CIT: variants seen among roughly 807,000 people sequenced by gnomAD.
CIT encodes the protein citron Rho-interacting kinase.
In CIT, 79 loss-of-function variants were observed where a neutral mutation model predicts 272.7. The ratio of observed to expected loss-of-function variants is 0.29; its 90% CI spans 0.24 to 0.35. The LOEUF (loss-of-function observed/expected upper bound fraction) is 0.35, where lower values mean the gene tolerates loss of function less well. Ranked by LOEUF, CIT falls within the 10% of genes least tolerant of loss-of-function variation. The pLI is 1.00. For missense variants in CIT, 1,909 were observed against 2,618.3 expected (o/e 0.73, Z 5.91); for synonymous variants, 948 against 995.6 (o/e 0.95, Z 0.90).
At chr12:119,874,758 C>T (rs925937024) in intron 2 of CIT, among the ~76,000 whole-genome samples, 7 of 151,762 alleles carry the variant, frequency 4.6e-5, no homozygotes, top group Non-Finnish European at 8.8e-5. Context: ...AGGTGACGGG[C>T]GCCTGTAGTC....
chr12:119,715,904 C>A (rs1252663698), intron 32 of CIT, among the ~76,000 whole-genome samples: 2 of 152,158 alleles, frequency 1.3e-5, no homozygotes, highest in Non-Finnish European at 2.9e-5. Flanking sequence ...ACCCCCCTTC[C>A]TTTCTTGGAA....
Position 119,803,343 on chromosome 12 carries a change from G to A in CIT, c.1158C>T (p.Ser386=), listed in dbSNP as rs745306491. The change falls in exon 10 of 48, where the codon TCC becomes TCT. Residue 386 remains serine, a synonymous_variant. Transcript: ENST00000392521. ...AATTCTTCTCTGGTTCATCAAAATT[G>A]GAGGTGTCATCGTCAGACTTGAGGG... ...VPTLKSDDDT[S]NFDEPEKNSW... 1.2e-5 allele frequency: 20 copies of A among 1,605,120 alleles called. No individual in the cohort carries two copies. The highest frequency in any genetic ancestry group is 2.6e-6 in the Non-Finnish European group (3 of 1,175,984).
intron 9 of CIT, 54 bp downstream of exon 9, chr12:119,822,766 C>G: frequency 3.2e-6 from 5 of 1,585,184 alleles, no homozygotes; most frequent in Non-Finnish European, 4.3e-6. Flanking sequence ...TCAGATCTCT[C>G]TTGAGTGTTT....
intron 19 of CIT, among the ~76,000 whole-genome samples, chr12:119,762,949 G>A (rs1593642318): frequency 6.6e-6 from 1 of 152,190 alleles, no homozygotes; most frequent in African/African-American, 2.4e-5. Context: ...AGGAGGATAA[G>A]ATGGGAGGAT....
At chr12:119,721,744 C>G (rs557278652) in intron 28 of CIT, among the ~76,000 whole-genome samples, 1 of 152,230 alleles carries the variant, frequency 6.6e-6, no homozygotes, top group South Asian at 2.1e-4. Context: ...TATTTTGGTA[C>G]ATTAAGGTGA....
intron 9 of CIT, among the ~76,000 whole-genome samples, chr12:119,821,393 A>G (rs573865300): frequency 6.6e-6 from 1 of 152,332 alleles, no homozygotes; most frequent in East Asian, 1.9e-4. Flanking sequence ...TGCCTAATTT[A>G]TAAGTTAAGC....
chr12:119,739,567 T>C (rs1448802019), intron 24 of CIT, among the ~76,000 whole-genome samples: 1 of 152,208 alleles, frequency 6.6e-6, no homozygotes, highest in African/African-American at 2.4e-5. Context: ...CCTACTATTG[T>C]GGCCAAATGT....
At chr12:119,820,542 T>G (rs915452310) in intron 9 of CIT, among the ~76,000 whole-genome samples, 1 of 152,004 alleles carries the variant, frequency 6.6e-6, no homozygotes, top group Admixed American at 6.6e-5. Context: ...GGGAAGACTG[T>G]GTCTCAAAAA....
At chr12:119,861,814 T>C (rs974295714) in intron 3 of CIT, among the ~76,000 whole-genome samples, 1 of 152,212 alleles carries the variant, frequency 6.6e-6, no homozygotes, top group African/African-American at 2.4e-5. Flanking sequence ...ATGAAAACTG[T>C]TGTAACACAA....
Position 119,728,531 on chromosome 12 carries a change from G to A in CIT, c.3562C>T (p.Arg1188Ter), listed in dbSNP as rs1958254999. 1 of 1,613,114 alleles carries A rather than the reference G, an allele frequency of 6.2e-7. No individual in the cohort carries two copies. The highest frequency in any genetic ancestry group is 1.3e-5 in the African/African-American group (1 of 74,864). The change falls in exon 28 of 48, where the codon CGA becomes TGA. Residue 1188 changes from arginine (R) to a stop codon, truncating the protein, a stop_gained. Coordinates refer to ENST00000392521, the MANE Select transcript of CIT (RefSeq NM_001206999.2). LOFTEE classifies it high-confidence loss of function. The surrounding 1 kb of genome is among the most constrained non-coding windows in gnomAD (Gnocchi z 4.3). The part of the protein sequence containing the change: ...RSLQQKLETE[R>*]ELKQRLLEEQ... ...TCCAGAAGCCTCTGTTTGAGCTCTC[G>A]TTCAGTCTCCAGCTTCTGCTGTAAG...
At chr12:119,863,717 C>CGG (rs540531244) in intron 3 of CIT, among the ~76,000 whole-genome samples, 2 of 151,058 alleles carry the variant, frequency 1.3e-5, no homozygotes, top group African/African-American at 4.9e-5. Flanking sequence ...AGTATAGAGA[C>CGG]GGGGGGGTTT....
intron 40 of CIT, among the ~76,000 whole-genome samples, chr12:119,705,206 C>T (rs1690834956): frequency 6.6e-6 from 1 of 152,328 alleles, no homozygotes. Flanking sequence ...AACCACCACA[C>T]CCGGCCCACA....
In CIT at chr12:119,857,596, A is replaced by G. The variant is rs1381713204; in HGVS notation, c.341T>C (p.Val114Ala). 1.2e-6 allele frequency: 2 copies of G among 1,614,142 alleles called. No individual in the cohort carries two copies. Among genetic ancestry groups the G allele is most frequent in the Non-Finnish European group, 1.7e-6 (2 of 1,180,024 alleles). The change falls in exon 4 of 48, where the codon GTA (valine) becomes GCA (alanine). Residue 114 changes from valine to alanine, a missense_variant. By Grantham distance (64) the Val-to-Ala change is moderately conservative. Coordinates refer to ENST00000392521, the MANE Select transcript of CIT (RefSeq NM_001206999.2). ...GCGHFAEVQV[V>A]REKATGDIYA... Reference sequence around the variant, plus strand: ...GATGTCCCCGGTTGCTTTCTCTCTTACCACCTGCACTTCAGCAAAGTGACC... The same window carrying G: ...GATGTCCCCGGTTGCTTTCTCTCTTGCCACCTGCACTTCAGCAAAGTGACC...
At chr12:119,692,533 G>A (rs544500608) in intron 46 of CIT, among the ~76,000 whole-genome samples, 1 of 152,356 alleles carries the variant, frequency 6.6e-6, no homozygotes, top group African/African-American at 2.4e-5. Flanking sequence ...AAATCCGGAA[G>A]ATGCTTGTTT....
chr12:119,790,889 G>A (rs1465815973), intron 10 of CIT, among the ~76,000 whole-genome samples: 11 of 152,170 alleles, frequency 7.2e-5, no homozygotes, highest in Non-Finnish European at 1.3e-4. Flanking sequence ...TGTCCTCAAG[G>A]AAGTAACAAT....
intron 5 of CIT, among the ~76,000 whole-genome samples, chr12:119,837,568 C>A (rs536960972): frequency 6.6e-6 from 1 of 152,322 alleles, no homozygotes; most frequent in African/African-American, 2.4e-5. Context: ...AGTCGCCACC[C>A]AGGTTGTGAC....
In CIT at chr12:119,733,724, G is replaced by A. The variant is rs558645798; in HGVS notation, c.3350+440C>T. Among the ~76,000 whole-genome samples, 4 of 152,138 alleles carry A rather than the reference G, an allele frequency of 2.6e-5. No homozygotes were observed. In the South Asian group the frequency reaches 8.3e-4, roughly 32 times the overall value. On this transcript the variant is annotated intron_variant, in intron 26 of 47. Transcript: ENST00000392521. ...ATGCTGTCCCGTCCTACAATGCACA[G>A]GACAGCCCCCATAACAAAGAATGAC...
chr12:119,718,212 A>G lies in CIT; in HGVS notation c.4168+33T>C. On this transcript the variant is annotated intron_variant, in intron 32 of 47. Coordinates refer to ENST00000392521, the MANE Select transcript of CIT (RefSeq NM_001206999.2). This position sits in a 1 kb window ranked among gnomAD's most constrained non-coding sequence, Gnocchi z 4.8. ...ACCATATGCCCACATGTCTTAGTCG[A>G]CTAAAAGAAATTTCCATACAACTCC... is the stretch of plus-strand genomic sequence containing the variant. The G allele has an allele frequency of 1.3e-6, 2 of 1,583,172 alleles. No homozygotes were observed. Among genetic ancestry groups the G allele is most frequent in the Middle Eastern group, 1.7e-4 (1 of 5,908 alleles).
chr12:119,801,002 G>A (rs1004047645), intron 10 of CIT, among the ~76,000 whole-genome samples: 1 of 152,232 alleles, frequency 6.6e-6, no homozygotes, highest in Non-Finnish European at 1.5e-5. Flanking sequence ...GACGCAAGAT[G>A]AAAGAAAATC....
Sources: gnomAD v4.1 joint callset for allele counts (sites outside exome capture counted in the v4.1 genomes callset) on GRCh38, gnomAD v4.1.1 for gene constraint, Gnocchi (gnomAD v3.1) non-coding constraint, MANE v1.5 for transcripts, NCBI Gene and HGNC (gene_info 2026-07-23, HGNC 2026-07-21) for gene names.